Variants in MYO5A observed in about 807,000 individuals in gnomAD.
MYO5A encodes unconventional myosin-Va.
In MYO5A, 98 loss-of-function variants were observed where a neutral mutation model predicts 249.7. The ratio of observed to expected loss-of-function variants is 0.39; its 90% CI spans 0.33 to 0.46. The LOEUF is 0.46. Among genes scored for constraint, MYO5A ranks in the 20% least tolerant of loss-of-function variants. MYO5A has a pLI of 0.98. For synonymous variants in MYO5A, 778 were observed against 810.6 expected, an observed-to-expected ratio of 0.96 and a Z score of 0.68; for missense variants, 1,696 against 2,308.8, an observed-to-expected ratio of 0.73 and a Z score of 5.44.
chr15:52,523,733 G>GCGGAACTAGGA (rs2077671007), intron 1 of MYO5A, among the ~76,000 whole-genome samples: 1 of 152,162 alleles, frequency 6.6e-6, no homozygotes. Flanking sequence ...TTTCCAAGCT[G>GCGGAACTAGGA]CGGAACTAGG....
intron 6 of MYO5A, 27 bp from the exon 7 acceptor site, chr15:52,408,167 A>G (rs1361014532): frequency 7.6e-7 from 1 of 1,307,968 alleles, no homozygotes; most frequent in Admixed American, 1.7e-5. Flanking sequence ...GTTTTCAATT[A>G]CAGCATTTTA....
At chr15:52,410,005 G>A (rs947416070) in intron 6 of MYO5A, among the ~76,000 whole-genome samples, 3 of 152,116 alleles carry the variant, frequency 2.0e-5, no homozygotes, top group East Asian at 3.8e-4. Flanking sequence ...CTTATTGAGA[G>A]CATGGAACAA....
intron 13 of MYO5A, among the ~76,000 whole-genome samples, chr15:52,388,787 T>G (rs1360141174): frequency 6.6e-6 from 1 of 152,176 alleles, no homozygotes; most frequent in Non-Finnish European, 1.5e-5. Flanking sequence ...GCTTTAGGAC[T>G]CAGAATTTTT....
intron 1 of MYO5A, among the ~76,000 whole-genome samples, chr15:52,526,694 T>C (rs537012474): frequency 6.6e-6 from 1 of 152,334 alleles, no homozygotes; most frequent in Admixed American, 6.5e-5. Context: ...GGTCTCATTA[T>C]GTTCCTCAGG....
Position 52,319,149 on chromosome 15 carries a change from C to T in MYO5A, c.5145G>A (p.Lys1715=). The change falls in exon 39 of 42, where the codon AAG becomes AAA. Residue 1715 remains lysine, a synonymous_variant. Transcript: ENST00000399233. The stretch of plus-strand genomic sequence containing the variant: ...TGGCCCCTATGATGTAGAACATCTG[C>T]TTGACCACCTGCTTGATCAGTTCAG... ...MDPELIKQVV[K]QMFYIIGAIT... The T allele has an allele frequency of 6.2e-7, 1 of 1,614,222 alleles. No individual in the cohort carries two copies. Among genetic ancestry groups the T allele is most frequent in the South Asian group, 1.1e-5 (1 of 91,080 alleles).
intron 16 of MYO5A, among the ~76,000 whole-genome samples, chr15:52,380,412 G>T (rs2041676458): frequency 6.6e-6 from 1 of 151,986 alleles, no homozygotes; most frequent in Non-Finnish European, 1.5e-5. Context: ...CTCCAGCCTG[G>T]GTGACAGAAT....
chr15:52,367,984 G>A (rs2040899748), intron 22 of MYO5A, among the ~76,000 whole-genome samples: 1 of 151,218 alleles, frequency 6.6e-6, no homozygotes, highest in Non-Finnish European at 1.5e-5. Flanking sequence ...AAAACCAAAG[G>A]TAATTTTGCA....
intron 22 of MYO5A, among the ~76,000 whole-genome samples, 169 bp downstream of exon 22, chr15:52,370,000 T>C (rs1475114634): frequency 2.0e-5 from 3 of 151,998 alleles, no homozygotes; most frequent in African/African-American, 4.8e-5. Context: ...AGCCTACTCA[T>C]TGATAATGAG....
intron 33 of MYO5A, 76 bp from the exon 34 acceptor site, chr15:52,336,632 A>G (rs2039132241): frequency 1.9e-6 from 2 of 1,074,462 alleles, no homozygotes; most frequent in Non-Finnish European, 2.8e-6. Context: ...AAATAGACAC[A>G]ATATCACAGA....
chr15:52,353,741 G>A, intron 26 of MYO5A, 83 bp from the exon 27 acceptor site: 2 of 1,589,056 alleles, frequency 1.3e-6, no homozygotes, highest in Non-Finnish European at 1.7e-6. Flanking sequence ...AAACAGTGAA[G>A]AGAGTTTAGC....
chr15:52,317,280 T>G, intron 39 of MYO5A, 58 bp from the exon 40 acceptor site: 2 of 1,556,842 alleles, frequency 1.3e-6, no homozygotes, highest in Non-Finnish European at 1.8e-6. Flanking sequence ...CAAAAATGTC[T>G]TAATTTTTTT....
chr15:52,483,611 TC>T (rs1393335017), intron 1 of MYO5A, among the ~76,000 whole-genome samples: 2 of 152,144 alleles, frequency 1.3e-5, no homozygotes, highest in African/African-American at 4.8e-5. Context: ...CAGTTTTCCT[TC>T]CCCATCCATT....
At chr15:52,383,051 A>T in intron 16 of MYO5A, 40 bp downstream of exon 16, 1 of 1,505,294 alleles carries the variant, frequency 6.6e-7, no homozygotes, top group Non-Finnish European at 9.3e-7. Context: ...ACTTCTTATA[A>T]GATATGTACT....
intron 1 of MYO5A, among the ~76,000 whole-genome samples, chr15:52,467,373 G>A (rs1389247319): frequency 6.6e-6 from 1 of 151,890 alleles, no homozygotes; most frequent in African/African-American, 2.4e-5. Flanking sequence ...ATTATTGAAG[G>A]AATTACAAAA....
chr15:52,310,690 AG>A lies in MYO5A; in HGVS notation c.*3005del, dbSNP rs2037747046. ...GGCAACGGGATAGACGATTAAGTTG[AG>A]GGAAGGGGAAGAGTGAATGAGTAGG... On this transcript the variant is annotated 3_prime_UTR_variant, in exon 42 of 42. Coordinates refer to ENST00000399233, the MANE Select transcript of MYO5A (RefSeq NM_001382347.1). The A allele has an allele frequency of 6.6e-6, 1 of 152,284 alleles. No individual in the cohort carries two copies. Among genetic ancestry groups the A allele is most frequent in the East Asian group, 1.9e-4 (1 of 5,204 alleles). 9.4% of individuals were successfully genotyped at this position (152,284 alleles called of 1,614,324 possible). A position where few individuals can be genotyped will look rare whatever the true frequency, so the allele number is the denominator to read the frequency against.
At chr15:52,467,087 G>T (rs976733109) in intron 1 of MYO5A, among the ~76,000 whole-genome samples, 1 of 152,188 alleles carries the variant, frequency 6.6e-6, no homozygotes, top group Non-Finnish European at 1.5e-5. Context: ...CACATCTTCA[G>T]ATACACAGAA....
At chr15:52,520,136 G>T (rs1417010551) in intron 1 of MYO5A, among the ~76,000 whole-genome samples, 1 of 152,096 alleles carries the variant, frequency 6.6e-6, no homozygotes, top group Non-Finnish European at 1.5e-5. Context: ...GAAAAGGAGG[G>T]GTAGAATTCC....
intron 1 of MYO5A, among the ~76,000 whole-genome samples, chr15:52,453,000 T>C (rs987871575): frequency 5.3e-5 from 8 of 152,124 alleles, no homozygotes; most frequent in Non-Finnish European, 1.0e-4. Context: ...AAAGAAGGCT[T>C]ATTCAAAGAA....
chr15:52,447,764 T>G (rs2075923238), intron 1 of MYO5A, among the ~76,000 whole-genome samples: 1 of 152,340 alleles, frequency 6.6e-6, no homozygotes, highest in African/African-American at 2.4e-5. Context: ...TGCTATGCTT[T>G]AGGAAAGAGA....
Sources: allele counts gnomAD v4.1 joint callset (sites outside exome capture counted in the v4.1 genomes callset), GRCh38; gene constraint gnomAD v4.1.1; transcripts MANE v1.5; gene names NCBI Gene and HGNC (gene_info 2026-07-23, HGNC 2026-07-21).